Variants in DDX10 observed in about 807,000 individuals in gnomAD.
The protein encoded by DDX10 is probable ATP-dependent RNA helicase DDX10.
Under a neutral mutation model 104.3 loss-of-function variants are expected in DDX10, and 74 were observed. The observed-to-expected ratio is 0.71, with a 90% CI of 0.59 to 0.86. The LOEUF (loss-of-function observed/expected upper bound fraction) is 0.86. Ranked by LOEUF, DDX10 falls within the 40% of genes least tolerant of loss-of-function variation. DDX10 has a pLI of 0.00. For missense variants in DDX10, 952 were observed against 1,040.0 expected, an observed-to-expected ratio of 0.92 and a Z score of 1.16; for synonymous variants, 351 against 353.4, an observed-to-expected ratio of 0.99 and a Z score of 0.08.
Position 108,804,510 on chromosome 11 carries a change from A to AAAC in DDX10, c.1966-33934_1966-33933insCAA, listed in dbSNP as rs1250948900. On this transcript the variant is annotated intron_variant, in intron 13 of 17. Transcript: ENST00000322536. The stretch of plus-strand genomic sequence containing the variant: ...TGAGACCCTGTCTCAAAAAAAAAAA[A>AAAC]AAAAAAAACCCTCCAAAAGAAGTTG... Among the ~76,000 whole-genome samples, 4 of 151,418 alleles carry AAAC rather than the reference A, an allele frequency of 2.6e-5. No homozygotes were observed. The East Asian group carries it at 7.8e-4, about 29-fold the overall frequency.
intron 16 of DDX10, among the ~76,000 whole-genome samples, chr11:108,910,429 C>T (rs150878670): frequency 2.0e-4 from 31 of 152,278 alleles, no homozygotes; most frequent in Admixed American, 7.8e-4. Context: ...GCACTTTGTA[C>T]GTTTGTTGTA....
chr11:108,900,103 A>G (rs1863496304), intron 16 of DDX10, among the ~76,000 whole-genome samples: 1 of 147,550 alleles, frequency 6.8e-6, no homozygotes, highest in Non-Finnish European at 1.5e-5. Context: ...CAAGAGCAAA[A>G]CTCTGTCTCA....
At chr11:108,679,614 G>T in intron 6 of DDX10, 54 bp downstream of exon 6, 2 of 1,309,540 alleles carry the variant, frequency 1.5e-6, no homozygotes, top group South Asian at 1.6e-5. Context: ...TTTAGTTTAG[G>T]GATTTGGTAT....
intron 16 of DDX10, among the ~76,000 whole-genome samples, chr11:108,912,834 T>TGA (rs570051093): frequency 1.3e-5 from 2 of 152,132 alleles, no homozygotes; most frequent in Non-Finnish European, 2.9e-5. Flanking sequence ...AAGGCATGAG[T>TGA]GACTATTCCT....
intron 13 of DDX10, chr11:108,822,417 TC>T: frequency 2.5e-6 from 1 of 397,822 alleles, no homozygotes; most frequent in Admixed American, 2.6e-5. Flanking sequence ...TCATTTTTGT[TC>T]CAGGGATGTT....
At chr11:108,714,760 C>T (rs770609000) in intron 10 of DDX10, among the ~76,000 whole-genome samples, 4 of 152,110 alleles carry the variant, frequency 2.6e-5, no homozygotes, top group East Asian at 1.9e-4. Flanking sequence ...CTTGTATTGG[C>T]GCTGTTGAAA....
intron 13 of DDX10, among the ~76,000 whole-genome samples, chr11:108,792,900 G>A (rs1382776560): frequency 1.3e-5 from 2 of 152,088 alleles, no homozygotes; most frequent in African/African-American, 2.4e-5. Context: ...GTTTTTCAAA[G>A]CAGTGCTTAT....
chr11:108,872,948 G>A (rs11212798), intron 16 of DDX10, among the ~76,000 whole-genome samples: 1,665 of 151,312 alleles, frequency 0.011, 28 homozygotes, highest in African/African-American at 0.038. Context: ...AATTACCCTC[G>A]TTAAATATGG....
At chr11:108,890,744 G>A (rs2134639616) in intron 16 of DDX10, among the ~76,000 whole-genome samples, 1 of 152,234 alleles carries the variant, frequency 6.6e-6, no homozygotes, top group East Asian at 1.9e-4. Context: ...GGGAGCATGT[G>A]AGAACATTTA....
At chr11:108,683,856 G>T (rs897116479) in intron 6 of DDX10, among the ~76,000 whole-genome samples, 3 of 152,074 alleles carry the variant, frequency 2.0e-5, no homozygotes, top group African/African-American at 4.8e-5. Flanking sequence ...TTTTCTGAAG[G>T]TTAGCAGTAT....
chr11:108,717,380 G>A (rs1352604862), intron 11 of DDX10, among the ~76,000 whole-genome samples: 1 of 152,160 alleles, frequency 6.6e-6, no homozygotes, highest in East Asian at 1.9e-4. Context: ...CGTGATCTTG[G>A]CTCATCGCAA....
intron 3 of DDX10, among the ~76,000 whole-genome samples, chr11:108,676,454 A>AT (rs926099289): frequency 9.9e-5 from 15 of 150,894 alleles, no homozygotes; most frequent in South Asian, 2.1e-4. Flanking sequence ...ACTTATTTTT[A>AT]TTTTTTTTTG....
intron 9 of DDX10, among the ~76,000 whole-genome samples, chr11:108,694,717 A>G (rs2094257300): frequency 1.3e-5 from 2 of 152,116 alleles, no homozygotes; most frequent in African/African-American, 4.8e-5. Flanking sequence ...TGTCTCTACT[A>G]CAAATACAAA....
chr11:108,822,442 T>C, intron 13 of DDX10: 1 of 374,288 alleles, frequency 2.7e-6, no homozygotes, highest in Admixed American at 2.9e-5. Flanking sequence ...CTTGGGAGTC[T>C]CCAAATAGTG....
chr11:108,672,873 G>C (rs1185645774), intron 1 of DDX10, among the ~76,000 whole-genome samples: 1 of 152,188 alleles, frequency 6.6e-6, no homozygotes, highest in Non-Finnish European at 1.5e-5. Flanking sequence ...ACTTATTGTG[G>C]CTTCAAAGCA....
intron 13 of DDX10, among the ~76,000 whole-genome samples, chr11:108,778,564 A>C (rs2134535846): frequency 6.6e-6 from 1 of 152,266 alleles, no homozygotes; most frequent in African/African-American, 2.4e-5. Context: ...TAAAGACTTA[A>C]ATATTAGACC....
intron 10 of DDX10, among the ~76,000 whole-genome samples, chr11:108,713,647 T>C (rs1434832214): frequency 6.6e-6 from 1 of 152,238 alleles, no homozygotes; most frequent in Non-Finnish European, 1.5e-5. Context: ...CCCTGCCATG[T>C]CTGGTTATGA....
chr11:108,883,538 T>C (rs1863255377), intron 16 of DDX10, among the ~76,000 whole-genome samples: 1 of 152,150 alleles, frequency 6.6e-6, no homozygotes, highest in Admixed American at 6.5e-5. Context: ...TATGCAAACA[T>C]GTTATCTCTC....
intron 16 of DDX10, among the ~76,000 whole-genome samples, chr11:108,880,891 C>G (rs1269381787): frequency 6.6e-6 from 1 of 152,084 alleles, no homozygotes; most frequent in African/African-American, 2.4e-5. Flanking sequence ...TGCTATTGAC[C>G]ATGAATTTTT....
Sources: allele counts gnomAD v4.1 joint callset (sites outside exome capture counted in the v4.1 genomes callset), GRCh38; gene constraint gnomAD v4.1.1; transcripts MANE v1.5; gene names NCBI Gene and HGNC (gene_info 2026-07-23, HGNC 2026-07-21).